Variants in CSMD3 observed in about 807,000 individuals in gnomAD.
The protein encoded by CSMD3 is CUB and sushi domain-containing protein 3.
In CSMD3, 177 loss-of-function variants were observed where a neutral mutation model predicts 435.2. That is an observed-to-expected ratio of 0.41 (90% CI 0.36 to 0.46). The LOEUF (loss-of-function observed/expected upper bound fraction) is 0.46, where lower values mean the gene tolerates loss of function less well. Ranked by LOEUF, CSMD3 falls within the 20% of genes least tolerant of loss-of-function variation. CSMD3 has a pLI of 0.34. For missense variants in CSMD3, 4,265 were observed against 4,504.6 expected, an observed-to-expected ratio of 0.95 and a Z score of 1.52; for synonymous variants, 1,656 against 1,520.5, an observed-to-expected ratio of 1.09 and a Z score of -2.07.
intron 13 of CSMD3, among the ~76,000 whole-genome samples, chr8:112,707,376 A>G (rs1431619112): frequency 6.6e-6 from 1 of 151,894 alleles, no homozygotes; most frequent in African/African-American, 2.4e-5. Context: ...TTAGTCCTTT[A>G]TAAAATTAAA....
At chr8:113,154,068 C>T (rs964394766) in intron 4 of CSMD3, among the ~76,000 whole-genome samples, 3 of 152,002 alleles carry the variant, frequency 2.0e-5, no homozygotes, top group Non-Finnish European at 4.4e-5. Context: ...ATGCCAATTA[C>T]TCTGTATAGT....
chr8:112,568,464 G>A (rs1443995148), intron 24 of CSMD3, among the ~76,000 whole-genome samples: 1 of 151,764 alleles, frequency 6.6e-6, no homozygotes, highest in Non-Finnish European at 1.5e-5. Flanking sequence ...GCATGGTGGT[G>A]GGCGCCTGTA....
intron 10 of CSMD3, among the ~76,000 whole-genome samples, chr8:112,875,056 T>C (rs1409779302): frequency 6.6e-6 from 1 of 152,158 alleles, no homozygotes; most frequent in Non-Finnish European, 1.5e-5. Flanking sequence ...TGGCTGGTAC[T>C]GGTTTTTCCT....
chr8:112,590,164 A>T (rs1831061393), intron 22 of CSMD3, among the ~76,000 whole-genome samples: 1 of 152,128 alleles, frequency 6.6e-6, no homozygotes, highest in South Asian at 2.1e-4. Flanking sequence ...ATTATGAAAT[A>T]TTTATTATGT....
intron 1 of CSMD3, among the ~76,000 whole-genome samples, chr8:113,405,444 G>T (rs571548641): frequency 6.6e-5 from 10 of 151,560 alleles, no homozygotes; most frequent in Non-Finnish European, 1.3e-4. Context: ...GCAAAGTGAT[G>T]TTTTATGTCA....
chr8:112,786,412 G>C (rs993172181), intron 13 of CSMD3, among the ~76,000 whole-genome samples: 19 of 152,182 alleles, frequency 1.2e-4, no homozygotes, highest in Non-Finnish European at 2.1e-4. Flanking sequence ...AAAGCAAAAA[G>C]GGACAAATGA....
intron 13 of CSMD3, among the ~76,000 whole-genome samples, chr8:112,733,424 A>T (rs2077117688): frequency 6.6e-6 from 1 of 151,972 alleles, no homozygotes; most frequent in Non-Finnish European, 1.5e-5. Flanking sequence ...TTAATGAAAA[A>T]AGTGCATCTA....
chr8:113,125,372 C>A (rs1030235360), intron 4 of CSMD3, among the ~76,000 whole-genome samples: 3 of 151,938 alleles, frequency 2.0e-5, no homozygotes, highest in Non-Finnish European at 2.9e-5. Flanking sequence ...AGAATATTCC[C>A]TTCTACAGTT....
At chr8:113,435,386 C>A (rs1375033833) in intron 1 of CSMD3, among the ~76,000 whole-genome samples, 1 of 152,126 alleles carries the variant, frequency 6.6e-6, no homozygotes, top group Non-Finnish European at 1.5e-5. Flanking sequence ...GGAAAGGTAA[C>A]CTCTCCAGCT....
chr8:112,637,332 C>T (rs528450004), intron 21 of CSMD3, among the ~76,000 whole-genome samples: 4 of 152,086 alleles, frequency 2.6e-5, no homozygotes, highest in South Asian at 2.1e-4. Context: ...TTTCGACTTA[C>T]GGCATAAGAA....
intron 3 of CSMD3, among the ~76,000 whole-genome samples, chr8:113,270,438 C>G (rs2093513263): frequency 6.6e-6 from 1 of 152,084 alleles, no homozygotes. Context: ...GGATCTAGAA[C>G]TAGAAATACC....
At chr8:112,571,983 A>G (rs1299917851) in intron 24 of CSMD3, among the ~76,000 whole-genome samples, 1 of 152,054 alleles carries the variant, frequency 6.6e-6, no homozygotes, top group African/African-American at 2.4e-5. Flanking sequence ...TATTACTTCA[A>G]AATCATCAGT....
intron 3 of CSMD3, among the ~76,000 whole-genome samples, chr8:113,197,005 T>G (rs1811669844): frequency 6.6e-6 from 1 of 151,296 alleles, no homozygotes; most frequent in Admixed American, 6.6e-5. Context: ...GCATGGTCTA[T>G]GTCTACTTTG....
At chr8:112,688,654 T>C (rs114244001) in intron 14 of CSMD3, among the ~76,000 whole-genome samples, 160 of 152,214 alleles carry the variant, frequency 1.1e-3, no homozygotes, top group African/African-American at 3.7e-3. Flanking sequence ...TGAGGATTAT[T>C]TATTTGTATT....
rs143078179 is a variant in CSMD3, at chr8:112,628,386, C to CTTGGTTGG, written c.3715+8423_3715+8430dup. On this transcript the variant is annotated intron_variant, in intron 22 of 70. Coordinates refer to ENST00000297405, the MANE Select transcript of CSMD3 (RefSeq NM_198123.2). ...GTAGTCTTTTCAGGCATCTTAATTACTTGGTTGGTTGGTTGGTTGGTTGGT... is the reference window on the plus strand; with the variant it reads ...GTAGTCTTTTCAGGCATCTTAATTACTTGGTTGGTTGGTTGGTTGGTTGGTTGGTTGGT... 1.4e-3 allele frequency among the ~76,000 whole-genome samples: 216 copies of CTTGGTTGG among 150,446 alleles called. 1 individual carries two copies. Among genetic ancestry groups the CTTGGTTGG allele is most frequent in the African/African-American group, 3.3e-3 (136 of 40,832 alleles).
intron 2 of CSMD3, chr8:113,311,689 T>C (rs952001530): frequency 6.6e-6 from 1 of 152,264 alleles, no homozygotes; most frequent in Admixed American, 6.5e-5. Flanking sequence ...AGATTTTGTA[T>C]ATAAACACAG....
chr8:113,299,189 T>C (rs947027467), intron 2 of CSMD3, among the ~76,000 whole-genome samples: 1 of 152,140 alleles, frequency 6.6e-6, no homozygotes, highest in Non-Finnish European at 1.5e-5. Flanking sequence ...CAACTGACTA[T>C]CTCAGAGATT....
intron 9 of CSMD3, among the ~76,000 whole-genome samples, chr8:112,927,403 G>T (rs2082945461): frequency 6.6e-6 from 1 of 151,988 alleles, no homozygotes; most frequent in Non-Finnish European, 1.5e-5. Context: ...TCCTTATAGA[G>T]GGGTCATTCC....
rs759881992 is a variant in CSMD3, at chr8:112,492,604, T to G, written c.5163A>C (p.Ser1721=). The G allele has an allele frequency of 1.5e-5, 25 of 1,613,030 alleles. No homozygotes were observed. In the South Asian group the frequency reaches 1.8e-4, roughly 11 times the overall value. ...CAGCATCACAGTAATAGGTGACTGT[T>G]GACCCTAATTTATAATCCATTCCAA... is the stretch of plus-strand genomic sequence containing the variant. The part of the protein sequence containing the change: ...TRLGMDYKLG[S]TVTYYCDAGY... Residue 1721 remains serine, a synonymous_variant, in exon 31 of 71, where the codon TCA becomes TCC. Coordinates refer to ENST00000297405, the MANE Select transcript of CSMD3 (RefSeq NM_198123.2).
Sources: gnomAD v4.1 joint callset for allele counts (sites outside exome capture counted in the v4.1 genomes callset) on GRCh38, gnomAD v4.1.1 for gene constraint, MANE v1.5 for transcripts, NCBI Gene and HGNC (gene_info 2026-07-23, HGNC 2026-07-21) for gene names.